The following PCDHGA2 variants were observed in gnomAD, a reference collection of about 807,000 sequenced individuals.
The protein encoded by PCDHGA2 is protocadherin gamma subfamily A, 2, also known as protocadherin gamma-A2.
In PCDHGA2, 40 loss-of-function variants were observed where a neutral mutation model predicts 59.2. The ratio of observed to expected loss-of-function variants is 0.68; its 90% CI spans 0.52 to 0.88. PCDHGA2 has a LOEUF of 0.88. Among genes scored for constraint, PCDHGA2 ranks in the 40% least tolerant of loss-of-function variants. The probability of loss-of-function intolerance (pLI) is 0.00; values close to 1 mark genes in which losing one functional copy is unlikely to be tolerated. For synonymous variants in PCDHGA2, 560 were observed against 526.0 expected, an observed-to-expected ratio of 1.06 and a Z score of -0.89; for missense variants, 1,226 against 1,204.0, an observed-to-expected ratio of 1.02 and a Z score of -0.27.
In PCDHGA2 at chr5:141,360,676, G is replaced by T. The variant is rs993703325; in HGVS notation, c.2424+19281G>T. The T allele has an allele frequency of 8.1e-6, 13 of 1,613,834 alleles. No individual in the cohort carries two copies. Among genetic ancestry groups the T allele is most frequent in the African/African-American group, 1.3e-5 (1 of 74,924 alleles). On this transcript the variant is annotated intron_variant, in intron 1 of 3. Transcript: ENST00000394576. ...TAATGACAACGAGTACTTTGATCTC[G>T]CTGAGAAACAGACTCCAGATGGTCG...
At chr5:141,505,143 CAG>C (rs1332770308) in intron 2 of PCDHGA2, among the ~76,000 whole-genome samples, 1 of 152,172 alleles carries the variant, frequency 6.6e-6, no homozygotes, top group Non-Finnish European at 1.5e-5. Context: ...GCCTGGATGA[CAG>C]AGTAAGACCC....
intron 1 of PCDHGA2, chr5:141,441,206 C>T (rs750648706): frequency 3.3e-5 from 5 of 152,150 alleles, no homozygotes; most frequent in African/African-American, 4.8e-5. Context: ...GATTCTGCAC[C>T]TTGGACAGTA....
At chr5:141,450,551 G>T (rs2098684306) in intron 1 of PCDHGA2, among the ~76,000 whole-genome samples, 1 of 150,822 alleles carries the variant, frequency 6.6e-6, no homozygotes, top group Admixed American at 6.6e-5. Flanking sequence ...CAGTGGCGCA[G>T]TCTCGGCTCA....
At chr5:141,478,838 T>C (rs1439577444) in intron 1 of PCDHGA2, 1 of 1,426,484 alleles carries the variant, frequency 7.0e-7, no homozygotes, top group Non-Finnish European at 9.2e-7. Flanking sequence ...TAAGGGATGG[T>C]TAAGCTAAAA....
At chr5:141,421,261 C>T (rs753531462) in intron 1 of PCDHGA2, 24 of 1,609,076 alleles carry the variant, frequency 1.5e-5, no homozygotes, top group Non-Finnish European at 2.0e-5. Context: ...GGACCGCAGT[C>T]GGCTGCTGCT....
At chr5:141,409,973 G>A in intron 1 of PCDHGA2, 1 of 1,613,380 alleles carries the variant, frequency 6.2e-7, no homozygotes, top group Non-Finnish European at 8.5e-7. Context: ...AGTGACTAAG[G>A]TGGTAGCGGT....
chr5:141,395,114 C>T (rs2093175908), intron 1 of PCDHGA2: 2 of 1,614,070 alleles, frequency 1.2e-6, no homozygotes, highest in African/African-American at 1.3e-5. Context: ...GGAAGAGTCA[C>T]CTGATCTTTC....
chr5:141,482,380 C>A (rs2099557573), intron 1 of PCDHGA2, among the ~76,000 whole-genome samples: 1 of 151,712 alleles, frequency 6.6e-6, no homozygotes, highest in Non-Finnish European at 1.5e-5. Context: ...ATATAAAGTC[C>A]CTGTATGGAG....
rs999463482 is a variant in PCDHGA2, at chr5:141,506,400, T to C, written c.2572+919T>C. ...GGAGGTGGCTGTGGTGAGCAGAAAATCGCACCACTGCACTCCAGCCTGGGC... is the reference window on the plus strand; with the variant it reads ...GGAGGTGGCTGTGGTGAGCAGAAAACCGCACCACTGCACTCCAGCCTGGGC... On this transcript the variant is annotated intron_variant, in intron 3 of 3. Coordinates refer to ENST00000394576, the MANE Select transcript of PCDHGA2 (RefSeq NM_018915.4). 1.2e-4 allele frequency among the ~76,000 whole-genome samples: 16 copies of C among 135,754 alleles called. No homozygotes were observed. In the Admixed American group the frequency reaches 1.3e-3, roughly 11 times the overall value. The allele number at this position is 135,754 out of a possible 152,430, so 89.1% of individuals were successfully genotyped here.
At chr5:141,369,282 C>T (rs908116391) in intron 1 of PCDHGA2, among the ~76,000 whole-genome samples, 3 of 152,074 alleles carry the variant, frequency 2.0e-5, no homozygotes, top group Admixed American at 2.0e-4. Flanking sequence ...ATTCACTCCC[C>T]AATCCTAATA....
At chr5:141,409,381 G>T (rs1258881607) in intron 1 of PCDHGA2, 1 of 1,614,018 alleles carries the variant, frequency 6.2e-7, no homozygotes, top group Admixed American at 1.7e-5. Context: ...TTCCATTCAA[G>T]ATTTATTCTT....
intron 1 of PCDHGA2, chr5:141,433,358 CCTATCTATCTAT>C (rs3074541): frequency 0.01 from 5,256 of 504,010 alleles, 38 homozygotes; most frequent in Non-Finnish European, 0.014. Flanking sequence ...CTACTGTCTG[CCTATCTATCTAT>C]CTATCTATCT....
chr5:141,505,583 T>A, intron 3 of PCDHGA2, 102 bp downstream of exon 3: 1 of 1,583,650 alleles, frequency 6.3e-7, no homozygotes, highest in Non-Finnish European at 8.6e-7. Context: ...ACCTGTGTAG[T>A]TTCTCCAGAT....
intron 1 of PCDHGA2, chr5:141,341,749 G>C: frequency 2.4e-6 from 1 of 419,826 alleles, no homozygotes; most frequent in Non-Finnish European, 4.2e-6. Flanking sequence ...AAAATATAAA[G>C]ATTGGAGTTT....
intron 1 of PCDHGA2, among the ~76,000 whole-genome samples, chr5:141,444,735 C>G (rs924159168): frequency 6.6e-6 from 1 of 152,116 alleles, no homozygotes; most frequent in Admixed American, 6.5e-5. Flanking sequence ...TGTTGAAAGT[C>G]ATTTCACTGA....
At chr5:141,425,248 G>GGCTGGGAAA (rs2096864506) in intron 1 of PCDHGA2, among the ~76,000 whole-genome samples, 1 of 152,178 alleles carries the variant, frequency 6.6e-6, no homozygotes, top group Non-Finnish European at 1.5e-5. Context: ...AAAAGGATAT[G>GGCTGGGAAA]AGGTATTTGG....
intron 1 of PCDHGA2, among the ~76,000 whole-genome samples, chr5:141,405,997 C>T (rs1589599248): frequency 6.6e-6 from 1 of 151,926 alleles, no homozygotes; most frequent in Non-Finnish European, 1.5e-5. Context: ...TAGCTCTCAG[C>T]CTGCATTGAT....
At chr5:141,351,145 C>A in intron 1 of PCDHGA2, 1 of 1,613,972 alleles carries the variant, frequency 6.2e-7, no homozygotes. Context: ...CAAATACTGG[C>A]GACATCACAA....
At chr5:141,371,614 A>T in intron 1 of PCDHGA2, 2 of 1,614,024 alleles carry the variant, frequency 1.2e-6, no homozygotes, top group Non-Finnish European at 1.7e-6. Context: ...TTGGTGACAG[A>T]TGGAGCCCTG....
Sources: allele counts gnomAD v4.1 joint callset (sites outside exome capture counted in the v4.1 genomes callset), GRCh38; gene constraint gnomAD v4.1.1; transcripts MANE v1.5; gene names NCBI Gene and HGNC (gene_info 2026-07-23, HGNC 2026-07-21).